The following PLEKHM2 variants were observed in gnomAD, a reference collection of about 807,000 sequenced individuals.
PLEKHM2 encodes the protein pleckstrin homology domain-containing family M member 2.
PLEKHM2 carries 77 observed loss-of-function variants against 116.3 expected under a neutral mutation model. The observed-to-expected ratio is 0.66, with a 90% CI of 0.55 to 0.80. The LOEUF (loss-of-function observed/expected upper bound fraction) is 0.80. PLEKHM2 is among the 30% of genes least tolerant of loss of function. PLEKHM2 has a pLI of 0.00. For synonymous variants in PLEKHM2, 562 were observed against 571.0 expected (o/e 0.98, Z 0.22); for missense variants, 1,183 against 1,354.9 (o/e 0.87, Z 1.99).
At chr1:15,687,416 C>T (rs547269722) in intron 1 of PLEKHM2, among the ~76,000 whole-genome samples, 33 of 150,172 alleles carry the variant, frequency 2.2e-4, no homozygotes, top group African/African-American at 7.6e-4. Flanking sequence ...CCTCATGATC[C>T]GCTCACCTCG....
intron 1 of PLEKHM2, among the ~76,000 whole-genome samples, chr1:15,713,832 G>A (rs1356086304): frequency 1.3e-5 from 2 of 151,748 alleles, no homozygotes; most frequent in African/African-American, 4.8e-5. Context: ...TAGAGACGGG[G>A]TTTCACTATG....
chr1:15,688,977 G>A (rs1055923550), intron 1 of PLEKHM2, among the ~76,000 whole-genome samples: 1 of 152,062 alleles, frequency 6.6e-6, no homozygotes, highest in African/African-American at 2.4e-5. Flanking sequence ...GGCCAGGCGC[G>A]GTGGCTCATG....
intron 1 of PLEKHM2, among the ~76,000 whole-genome samples, chr1:15,686,379 GTAACCT>G (rs1171767404): frequency 6.6e-6 from 1 of 152,162 alleles, no homozygotes; most frequent in African/African-American, 2.4e-5. Context: ...TAATAACCCT[GTAACCT>G]TGGTCAGGCT....
At position 15,719,400 on chromosome 1, in the gene PLEKHM2, C is replaced by T. The variant is rs1006563568; in HGVS notation, c.466-334C>T. On this transcript the variant is annotated intron_variant, in intron 5 of 19. Coordinates refer to ENST00000375799, the MANE Select transcript of PLEKHM2 (RefSeq NM_015164.4). This position sits in a 1 kb window ranked among gnomAD's most constrained non-coding sequence, Gnocchi z 4.1. ...CCGGGAGGTGGAAGTTGCAGTGAGC[C>T]GAGCCACGTCATTGCACTCCAGCCA... is the stretch of plus-strand genomic sequence containing the variant. Among the ~76,000 whole-genome samples, 1 of 151,694 alleles carries T rather than the reference C, an allele frequency of 6.6e-6. No homozygotes were observed. Among genetic ancestry groups the T allele is most frequent in the Non-Finnish European group, 1.5e-5 (1 of 67,946 alleles).
At chr1:15,701,802 G>C (rs1641119443) in intron 1 of PLEKHM2, among the ~76,000 whole-genome samples, 1 of 151,996 alleles carries the variant, frequency 6.6e-6, no homozygotes, top group African/African-American at 2.4e-5. Context: ...AAAAAGAAAA[G>C]AAAAAAGACC....
At chr1:15,709,048 A>G (rs1466922993) in intron 1 of PLEKHM2, among the ~76,000 whole-genome samples, 1 of 152,218 alleles carries the variant, frequency 6.6e-6, no homozygotes, top group Non-Finnish European at 1.5e-5. Flanking sequence ...AACTTGCCCA[A>G]GGTCACACAG....
chr1:15,694,271 C>A (rs571126928), intron 1 of PLEKHM2, among the ~76,000 whole-genome samples: 1 of 152,182 alleles, frequency 6.6e-6, no homozygotes, highest in African/African-American at 2.4e-5. Context: ...ATCGCTTGAA[C>A]CCAGGAGGTG....
intron 1 of PLEKHM2, among the ~76,000 whole-genome samples, chr1:15,685,590 A>C (rs1640754638): frequency 6.6e-6 from 1 of 151,804 alleles, no homozygotes; most frequent in African/African-American, 2.4e-5. Context: ...GAGAAAGAAA[A>C]TGGCTTGGGT....
At chr1:15,723,744 CAAAAAAAAA>C (rs1056474462) in intron 7 of PLEKHM2, among the ~76,000 whole-genome samples, 1 of 76,412 alleles carries the variant, frequency 1.3e-5, no homozygotes, top group Non-Finnish European at 2.6e-5. Flanking sequence ...GACCCTGTCT[CAAAAAAAAA>C]AAAAAAAAAA....
At chr1:15,712,037 A>G (rs7514390) in intron 1 of PLEKHM2, among the ~76,000 whole-genome samples, 33,669 of 149,988 alleles carry the variant, frequency 0.22, 4,284 homozygotes, top group African/African-American at 0.34. Flanking sequence ...AGAATCGCTT[A>G]AACCTGGGAG....
chr1:15,716,653 G>T, intron 2 of PLEKHM2, 54 bp from the exon 3 acceptor site: 1 of 1,541,962 alleles, frequency 6.5e-7, no homozygotes, highest in Non-Finnish European at 8.8e-7. Flanking sequence ...GCCGACTGCA[G>T]CTTCCCAGGG....
chr1:15,698,812 G>T (rs1482512820), intron 1 of PLEKHM2, among the ~76,000 whole-genome samples: 1 of 151,836 alleles, frequency 6.6e-6, no homozygotes, highest in Non-Finnish European at 1.5e-5. Flanking sequence ...GCCTCTCAGA[G>T]TGCTGGGATT....
intron 6 of PLEKHM2, chr1:15,720,565 A>C (rs1010957448): frequency 2.5e-6 from 2 of 789,948 alleles, no homozygotes; most frequent in Non-Finnish European, 3.0e-6. Context: ...GTGTTCATGG[A>C]TAAAACTGGC....
intron 1 of PLEKHM2, among the ~76,000 whole-genome samples, chr1:15,706,345 C>T (rs747906566): frequency 2.0e-5 from 3 of 152,260 alleles, no homozygotes; most frequent in South Asian, 2.1e-4. Flanking sequence ...ACTTTCCCCC[C>T]GGATGCCACA....
At chr1:15,732,855 AC>A in intron 19 of PLEKHM2, 127 bp downstream of exon 19, 1 of 648,184 alleles carries the variant, frequency 1.5e-6, no homozygotes, top group Non-Finnish European at 2.7e-6. Flanking sequence ...ACAGCCATGT[AC>A]CAGGGCGCTC....
At chr1:15,690,207 G>A (rs34729233) in intron 1 of PLEKHM2, among the ~76,000 whole-genome samples, 31,383 of 150,850 alleles carry the variant, frequency 0.21, 3,505 homozygotes, top group African/African-American at 0.28. Context: ...CTGGGATTAC[G>A]GGCACAGACC....
intron 8 of PLEKHM2, among the ~76,000 whole-genome samples, chr1:15,726,400 G>T (rs994980265): frequency 6.6e-6 from 1 of 152,164 alleles, no homozygotes; most frequent in African/African-American, 2.4e-5. Context: ...GACTGCCCAG[G>T]CTTGCTGGCC....
chr1:15,716,674 C>G (rs1641452948), intron 2 of PLEKHM2, 33 bp from the exon 3 acceptor site: 1 of 1,551,188 alleles, frequency 6.4e-7, no homozygotes, highest in South Asian at 1.2e-5. Flanking sequence ...TGGCCCCATG[C>G]AGGTCACAGC....
rs115401507 is a variant in PLEKHM2, at chr1:15,728,523, G to C, written c.1922-146G>C. The C allele has an allele frequency of 1.4e-3, 1,355 of 954,266 alleles. 19 individuals carry two copies. In the African/African-American group the frequency reaches 0.019, roughly 13 times the overall value. 59.1% of individuals were successfully genotyped at this position (954,266 alleles called of 1,614,324 possible). ...AGCAGCCCTGAGACGTGAGCCTGGGGCTCCCTCTGTGAGCACTCCACGCCA... is the reference window on the plus strand; with the variant it reads ...AGCAGCCCTGAGACGTGAGCCTGGGCCTCCCTCTGTGAGCACTCCACGCCA... On this transcript the variant is annotated intron_variant, in intron 11 of 19. Coordinates refer to ENST00000375799, the MANE Select transcript of PLEKHM2 (RefSeq NM_015164.4). The surrounding 1 kb of genome is among the most constrained non-coding windows in gnomAD (Gnocchi z 5.9).
Sources: gnomAD v4.1 joint callset for allele counts (sites outside exome capture counted in the v4.1 genomes callset) on GRCh38, gnomAD v4.1.1 for gene constraint, Gnocchi (gnomAD v3.1) non-coding constraint, MANE v1.5 for transcripts, NCBI Gene and HGNC (gene_info 2026-07-23, HGNC 2026-07-21) for gene names.